Variants in PRKRIP1 observed in about 807,000 individuals in gnomAD.
PRKRIP1 encodes the protein PRKR interacting protein 1, also known as PRKR-interacting protein 1.
PRKRIP1 carries 29 observed loss-of-function variants against 29.3 expected under a neutral mutation model. The observed-to-expected ratio is 0.99, with a 90% CI of 0.74 to 1.35. PRKRIP1 has a LOEUF of 1.35. Ranked by LOEUF, PRKRIP1 falls within the 40% of genes most tolerant of loss-of-function variation. PRKRIP1 has a pLI of 0.00. For missense variants in PRKRIP1, 247 were observed against 236.8 expected (o/e 1.04, Z -0.28); for synonymous variants, 90 against 85.1 (o/e 1.06, Z -0.32).
chr7:102,404,750 T>A (rs1796166635), intron 4 of PRKRIP1, 67 bp downstream of exon 4: 1 of 1,222,292 alleles, frequency 8.2e-7, no homozygotes, highest in Non-Finnish European at 1.2e-6. Flanking sequence ...GAGCTGTCCT[T>A]GCAGTCAGTA....
At position 102,404,674 on chromosome 7, in the gene PRKRIP1, G is replaced by A. The variant is rs782668533; in HGVS notation, c.383G>A (p.Arg128Gln). ...GCAGAGGAGCAGACCGCAAAGCGCC[G>A]GAAGAAGCGGTAAGCGGCATGGCCT... ...IAAEEQTAKR[R>Q]KKRQKLKEKK... Residue 128 changes from arginine to glutamine, a missense_variant, in exon 4 of 6, where the codon CGG becomes CAG. By Grantham distance (43) the Arg-to-Gln change is conservative. Transcript: ENST00000397912. 9.3e-6 allele frequency: 15 copies of A among 1,613,260 alleles called. No homozygotes were observed. In the East Asian group the frequency reaches 1.3e-4, roughly 14 times the overall value.
At chr7:102,421,220 C>G (rs1209241778) in intron 5 of PRKRIP1, among the ~76,000 whole-genome samples, 1 of 152,136 alleles carries the variant, frequency 6.6e-6, no homozygotes, top group Non-Finnish European at 1.5e-5. Context: ...GGTTGAAACA[C>G]CAAAAGCCAT....
At chr7:102,406,951 C>G (rs782781904) in intron 4 of PRKRIP1, among the ~76,000 whole-genome samples, 20 of 151,608 alleles carry the variant, frequency 1.3e-4, no homozygotes, top group Admixed American at 2.0e-4. Context: ...CGTGGTGGCT[C>G]ACACCCGTAA....
chr7:102,411,918 A>T (rs897160081), intron 5 of PRKRIP1, among the ~76,000 whole-genome samples: 2 of 132,308 alleles, frequency 1.5e-5, no homozygotes, highest in Non-Finnish European at 3.1e-5. Flanking sequence ...GATGTTGGGC[A>T]TCTTTGTTGT....
chr7:102,401,857 T>G (rs1399354796), intron 3 of PRKRIP1, among the ~76,000 whole-genome samples: 2 of 152,004 alleles, frequency 1.3e-5, no homozygotes, highest in Non-Finnish European at 2.9e-5. Context: ...GAGCTGAGAT[T>G]GTGCCACTGC....
intron 5 of PRKRIP1, among the ~76,000 whole-genome samples, chr7:102,413,108 A>C (rs1796436073): frequency 6.6e-6 from 1 of 152,092 alleles, no homozygotes; most frequent in Non-Finnish European, 1.5e-5. Flanking sequence ...CTGTGTCCTG[A>C]GGGGCTGTGT....
chr7:102,400,761 G>T (rs1796045566), intron 3 of PRKRIP1, among the ~76,000 whole-genome samples: 1 of 152,100 alleles, frequency 6.6e-6, no homozygotes, highest in South Asian at 2.1e-4. Flanking sequence ...TCAGCTTCCT[G>T]AGTAGCTGGG....
At chr7:102,420,126 T>C (rs1796657341) in intron 5 of PRKRIP1, among the ~76,000 whole-genome samples, 1 of 152,202 alleles carries the variant, frequency 6.6e-6, no homozygotes, top group East Asian at 1.9e-4. Flanking sequence ...CCTCAAGTGA[T>C]CTGCCCGCCT....
At chr7:102,421,136 C>G (rs1554573688) in intron 5 of PRKRIP1, among the ~76,000 whole-genome samples, 2 of 152,202 alleles carry the variant, frequency 1.3e-5, no homozygotes, top group African/African-American at 4.8e-5. Context: ...AAAGAGGAAG[C>G]ATTTGTGTTT....
chr7:102,418,340 A>G (rs28669211), intron 5 of PRKRIP1, among the ~76,000 whole-genome samples: 2,992 of 152,086 alleles, frequency 0.02, 88 homozygotes, highest in African/African-American at 0.068. Context: ...GTGAGCCACC[A>G]TGCCTGGTCC....
chr7:102,402,867 A>G (rs995068105), intron 3 of PRKRIP1, among the ~76,000 whole-genome samples: 4 of 151,858 alleles, frequency 2.6e-5, no homozygotes. Flanking sequence ...AGCACAGAGT[A>G]AGACATTCAC....
intron 5 of PRKRIP1, among the ~76,000 whole-genome samples, chr7:102,422,202 T>G (rs1796714282): frequency 6.8e-6 from 1 of 146,614 alleles, no homozygotes; most frequent in African/African-American, 2.5e-5. Context: ...AGAGACGGAT[T>G]CTAGCTCTGT....
chr7:102,424,890 C>T, intron 5 of PRKRIP1, 124 bp from the exon 6 acceptor site: 1 of 964,372 alleles, frequency 1.0e-6, no homozygotes, highest in Non-Finnish European at 1.5e-6. Context: ...AGGCATGACC[C>T]TGGTTTCTTG....
chr7:102,404,532 C>G (rs1417834988), intron 3 of PRKRIP1, 66 bp from the exon 4 acceptor site: 4 of 1,381,084 alleles, frequency 2.9e-6, no homozygotes, highest in South Asian at 2.5e-5. Flanking sequence ...CCTACTTTGC[C>G]TGAGCAAAAC....
At chr7:102,423,921 C>G (rs1319481203) in intron 5 of PRKRIP1, among the ~76,000 whole-genome samples, 1 of 152,250 alleles carries the variant, frequency 6.6e-6, no homozygotes, top group Non-Finnish European at 1.5e-5. Flanking sequence ...CTCAGCCTCC[C>G]AAAGTGCTGG....
chr7:102,419,222 T>C (rs1415964813), intron 5 of PRKRIP1, among the ~76,000 whole-genome samples: 4 of 152,070 alleles, frequency 2.6e-5, no homozygotes, highest in Non-Finnish European at 4.4e-5. Context: ...AAGACCAGCC[T>C]GGCCAACATG....
chr7:102,415,823 C>A (rs782037691), intron 5 of PRKRIP1, among the ~76,000 whole-genome samples: 1 of 152,264 alleles, frequency 6.6e-6, no homozygotes, highest in African/African-American at 2.4e-5. Context: ...GCCCATGAGG[C>A]GATGCTGCGT....
chr7:102,401,341 A>G (rs1554571145), intron 3 of PRKRIP1, among the ~76,000 whole-genome samples: 1 of 152,238 alleles, frequency 6.6e-6, no homozygotes, highest in Non-Finnish European at 1.5e-5. Flanking sequence ...AATTTTCAAA[A>G]TAAAACATTA....
chr7:102,397,524 G>T, intron 1 of PRKRIP1, 96 bp from the exon 2 acceptor site: 1 of 982,906 alleles, frequency 1.0e-6, no homozygotes, highest in Non-Finnish European at 1.6e-6. Context: ...CCAGCCTGAG[G>T]AACAGAGCAA....
Sources: allele counts gnomAD v4.1 joint callset (sites outside exome capture counted in the v4.1 genomes callset), GRCh38; gene constraint gnomAD v4.1.1; transcripts MANE v1.5; gene names NCBI Gene and HGNC (gene_info 2026-07-23, HGNC 2026-07-21).